GARIN1B: variants seen among roughly 807,000 people sequenced by gnomAD.
The protein encoded by GARIN1B is golgi associated RAB2 interactor 1B.
chr7:128,714,022 T>C, the GARIN1B span: 6 of 1,534,272 alleles, frequency 3.9e-6, no homozygotes, highest in East Asian at 1.5e-4. Flanking sequence ...AAACAAAAGA[T>C]AATGAGAAAA....
At chr7:128,723,522 G>A in the GARIN1B span, 1 of 400,988 alleles carries the variant, frequency 2.5e-6, no homozygotes, top group Middle Eastern at 7.6e-4. Context: ...AGACCAGCCT[G>A]GCCTCGATAT....
At chr7:128,716,699 A>G in the GARIN1B span, 33 of 877,964 alleles carry the variant, frequency 3.8e-5, no homozygotes, top group African/African-American at 5.5e-4. Context: ...TCCTACCCTC[A>G]ACAAAGAATA....
the GARIN1B span, chr7:128,731,574 A>G: frequency 1.9e-3 from 326 of 175,754 alleles, 2 homozygotes; most frequent in African/African-American, 7.4e-3. Flanking sequence ...CCAAGCTTCT[A>G]TTTATCTAAT....
chr7:128,718,261 C>T, the GARIN1B span, among the ~76,000 whole-genome samples: 439 of 151,980 alleles, frequency 2.9e-3, 3 homozygotes, highest in Middle Eastern at 0.01. Context: ...GATGAAACCT[C>T]GTCTCTACCA....
chr7:128,711,789 C>A, the GARIN1B span, among the ~76,000 whole-genome samples: 1 of 152,058 alleles, frequency 6.6e-6, no homozygotes, highest in African/African-American at 2.4e-5. Flanking sequence ...GCCTGTAATC[C>A]CAACACTTTG....
chr7:128,715,267 G>T, the GARIN1B span: 3 of 1,433,696 alleles, frequency 2.1e-6, no homozygotes, highest in Middle Eastern at 2.6e-4. Flanking sequence ...TGGAGGAAAA[G>T]GGAGGCTCCT....
the GARIN1B span, chr7:128,715,595 C>T: frequency 6.2e-7 from 1 of 1,614,154 alleles, no homozygotes; most frequent in Admixed American, 1.7e-5. Context: ...TGGAGCGGGC[C>T]TAGGTGTGGA....
chr7:128,719,496 C>A, the GARIN1B span, among the ~76,000 whole-genome samples: 1 of 151,902 alleles, frequency 6.6e-6, no homozygotes. Context: ...CTACTCCCAG[C>A]TCTAGGCAAC....
At chr7:128,718,949 A>G in the GARIN1B span, 9 of 1,614,170 alleles carry the variant, frequency 5.6e-6, no homozygotes, top group Non-Finnish European at 7.6e-6. Flanking sequence ...CCATCCTGAG[A>G]CTGTCTTCCA....
At chr7:128,717,696 C>T in the GARIN1B span, among the ~76,000 whole-genome samples, 1 of 151,616 alleles carries the variant, frequency 6.6e-6, no homozygotes, top group African/African-American at 2.4e-5. Flanking sequence ...ACCCACCCTC[C>T]TCAGCCTCCC....
At chr7:128,709,733 T>C in the GARIN1B span, among the ~76,000 whole-genome samples, 1 of 14,908 alleles carries the variant, frequency 6.7e-5, no homozygotes, top group Non-Finnish European at 1.9e-4. Flanking sequence ...ACAAATTCTC[T>C]CTCTCTCTCT....
At chr7:128,710,097 T>G in the GARIN1B span, among the ~76,000 whole-genome samples, 1 of 152,166 alleles carries the variant, frequency 6.6e-6, no homozygotes. Flanking sequence ...TTTGTATTGT[T>G]TGTAGAGACA....
chr7:128,720,683 G>A, the GARIN1B span, among the ~76,000 whole-genome samples: 288 of 152,166 alleles, frequency 1.9e-3, no homozygotes, highest in Non-Finnish European at 3.1e-3. Flanking sequence ...TGTGTATATG[G>A]ATATGTAATT....
chr7:128,716,973 T>C, the GARIN1B span: 9 of 1,612,344 alleles, frequency 5.6e-6, no homozygotes, highest in South Asian at 1.1e-5. Context: ...AGACCATCCA[T>C]AGCCCCCAAC....
the GARIN1B span, among the ~76,000 whole-genome samples, chr7:128,718,664 G>A: frequency 6.6e-6 from 1 of 152,320 alleles, no homozygotes; most frequent in South Asian, 2.1e-4. Flanking sequence ...AACAAGCTCA[G>A]CAGGTGTATT....
the GARIN1B span, among the ~76,000 whole-genome samples, chr7:128,716,151 C>T: frequency 6.6e-6 from 1 of 152,232 alleles, no homozygotes; most frequent in South Asian, 2.1e-4. Context: ...CTGAATCTGG[C>T]CCCTTGATTG....
chr7:128,721,523 C>G, the GARIN1B span, among the ~76,000 whole-genome samples: 3 of 152,154 alleles, frequency 2.0e-5, no homozygotes, highest in Admixed American at 6.5e-5. Flanking sequence ...CACACACACA[C>G]ACACACACTC....
chr7:128,729,418 G>A, the GARIN1B span, among the ~76,000 whole-genome samples: 1 of 152,232 alleles, frequency 6.6e-6, no homozygotes, highest in African/African-American at 2.4e-5. Flanking sequence ...TAGCGGGATT[G>A]AGACTGCGAT....
chr7:128,726,795 A>G, the GARIN1B span: 4 of 1,612,716 alleles, frequency 2.5e-6, no homozygotes, highest in South Asian at 4.4e-5. Flanking sequence ...TTTACTTTCA[A>G]CTTTCATTTC....
Sources: gnomAD v4.1 joint callset for allele counts (sites outside exome capture counted in the v4.1 genomes callset) on GRCh38, gnomAD v4.1.1 for gene constraint, MANE v1.5 for transcripts, NCBI Gene and HGNC (gene_info 2026-07-23, HGNC 2026-07-21) for gene names.